Variants in FAAH2 observed in about 807,000 individuals in gnomAD.
FAAH2 encodes the protein fatty-acid amide hydrolase 2.
FAAH2 carries 60 observed loss-of-function variants against 36.9 expected under a neutral mutation model. The ratio of observed to expected loss-of-function variants is 1.63; its 90% CI spans 1.32 to 2.02. The LOEUF (loss-of-function observed/expected upper bound fraction) is 2.02, where lower values mean the gene tolerates loss of function less well. FAAH2 is among the 30% of genes most tolerant of loss of function. FAAH2 has a pLI of 0.00. For synonymous variants in FAAH2, 214 were observed against 143.8 expected, an observed-to-expected ratio of 1.49 and a Z score of -3.49; for missense variants, 689 against 397.5, an observed-to-expected ratio of 1.73 and a Z score of -6.23.
chrX:57,251,956 G>A, the FAAH2 span, among the ~76,000 whole-genome samples: 18 of 112,005 alleles, frequency 1.6e-4, no homozygotes, highest in African/African-American at 4.9e-4. Flanking sequence ...GCCAAGGGAA[G>A]CCATGAGTGA....
chrX:57,137,439 A>G, the FAAH2 span: 35 of 663,244 alleles, frequency 5.3e-5, 1 homozygote, highest in Non-Finnish European at 6.1e-5. Context: ...CTGGCCGTCT[A>G]CCTCCCTGTT....
At position 57,447,056 on chromosome X, in the gene FAAH2, C is replaced by A. The variant is rs143677321; in HGVS notation, c.1228+17C>A. Reference sequence around the variant, plus strand: ...CTTCCATTGGTATGTAAATCATATTCTACCTAGACCAGTTTGATGTCCTGT... The same window carrying A: ...CTTCCATTGGTATGTAAATCATATTATACCTAGACCAGTTTGATGTCCTGT... On this transcript the variant is annotated intron_variant, in intron 9 of 10. Coordinates refer to ENST00000374900, the MANE Select transcript of FAAH2 (RefSeq NM_174912.4). The A allele has an allele frequency of 1.3e-5, 14 of 1,077,225 alleles. 1 individual carries two copies. In the South Asian group the frequency reaches 3.1e-4, roughly 24 times the overall value. 88.8% of individuals were successfully genotyped at this position (1,077,225 alleles called of 1,213,427 possible). A position where few individuals can be genotyped will look rare whatever the true frequency, so the allele number is the denominator to read the frequency against.
chrX:57,433,830 A>T (rs2056354060), intron 8 of FAAH2, among the ~76,000 whole-genome samples: 1 of 112,010 alleles, frequency 8.9e-6, no homozygotes, highest in Admixed American at 9.5e-5. Flanking sequence ...AGTTATTATC[A>T]TAGTCATATC....
chrX:57,310,559 T>A (rs201164702), intron 2 of FAAH2, 34 bp from the exon 3 acceptor site: 2 of 1,174,389 alleles, frequency 1.7e-6, no homozygotes, highest in African/African-American at 3.6e-5. Flanking sequence ...ATGACTTGTT[T>A]AGTTAAAGTT....
At chrX:57,450,844 A>C (rs1481944771) in intron 10 of FAAH2, among the ~76,000 whole-genome samples, 1 of 111,559 alleles carries the variant, frequency 9.0e-6, no homozygotes, top group Non-Finnish European at 1.9e-5. Context: ...AGTGATAATG[A>C]TACCATTTAT....
the FAAH2 span, among the ~76,000 whole-genome samples, chrX:57,265,815 A>G: frequency 1.8e-5 from 2 of 111,895 alleles, no homozygotes; most frequent in Admixed American, 9.4e-5. Context: ...GTGGTACACC[A>G]GCACAGCACA....
chrX:57,398,691 G>A (rs970235924), intron 7 of FAAH2, among the ~76,000 whole-genome samples: 1 of 111,094 alleles, frequency 9.0e-6, no homozygotes, highest in African/African-American at 3.3e-5. Flanking sequence ...GTGCTCTCAG[G>A]TGATAGATGA....
chrX:57,266,205 C>T, the FAAH2 span, among the ~76,000 whole-genome samples: 4 of 111,753 alleles, frequency 3.6e-5, no homozygotes, highest in Non-Finnish European at 7.5e-5. Flanking sequence ...CAGGTGTGTT[C>T]GGGCTGGCAA....
In FAAH2 at chrX:57,305,109, T is replaced by C. The variant is rs577806340; in HGVS notation, c.276-5484T>C. 5.4e-4 allele frequency among the ~76,000 whole-genome samples: 60 copies of C among 110,390 alleles called. 1 individual carries two copies. In the South Asian group the frequency reaches 0.021, roughly 39 times the overall value. Reference sequence around the variant, plus strand: ...ATGTGTATAATGGTTCATGTAGTTATAAATATACTTAGCCTTGGTCTTCTA... The same window carrying C: ...ATGTGTATAATGGTTCATGTAGTTACAAATATACTTAGCCTTGGTCTTCTA... On this transcript the variant is annotated intron_variant, in intron 2 of 10. Coordinates refer to ENST00000374900, the MANE Select transcript of FAAH2 (RefSeq NM_174912.4).
At chrX:57,457,902 C>T (rs1412618283) in intron 10 of FAAH2, among the ~76,000 whole-genome samples, 3 of 111,657 alleles carry the variant, frequency 2.7e-5, no homozygotes, top group African/African-American at 9.8e-5. Context: ...AACACTACTC[C>T]TATCAAAATA....
the FAAH2 span, among the ~76,000 whole-genome samples, chrX:57,155,839 C>A: frequency 1.8e-5 from 2 of 111,909 alleles, no homozygotes; most frequent in African/African-American, 6.5e-5. Flanking sequence ...CCCAGAGAGC[C>A]CACAGGGCTT....
At chrX:57,126,041 T>C in the FAAH2 span, among the ~76,000 whole-genome samples, 18 of 112,366 alleles carry the variant, frequency 1.6e-4, no homozygotes, top group South Asian at 6.6e-3. Context: ...CTCTGAAATA[T>C]GTTTAAAAAA....
chrX:57,334,980 T>A (rs1218941847), intron 4 of FAAH2, among the ~76,000 whole-genome samples: 1 of 111,468 alleles, frequency 9.0e-6, no homozygotes, highest in African/African-American at 3.3e-5. Context: ...GACCTGAACT[T>A]AGCTCTGGAT....
At chrX:57,399,692 C>T (rs2055386974) in intron 7 of FAAH2, among the ~76,000 whole-genome samples, 3 of 112,324 alleles carry the variant, frequency 2.7e-5, no homozygotes, top group South Asian at 7.4e-4. Context: ...TAATAATCTC[C>T]TAATGGCTTC....
intron 3 of FAAH2, among the ~76,000 whole-genome samples, chrX:57,321,332 G>T (rs1318259889): frequency 9.2e-6 from 1 of 109,106 alleles, no homozygotes; most frequent in Non-Finnish European, 1.9e-5. Context: ...TGGGGGTTCG[G>T]GATCTAGGGG....
intron 10 of FAAH2, among the ~76,000 whole-genome samples, chrX:57,454,635 T>C (rs1161746591): frequency 1.8e-5 from 2 of 110,995 alleles, no homozygotes; most frequent in Non-Finnish European, 3.8e-5. Context: ...AACTGAAAAA[T>C]TTACTTCCAG....
At chrX:57,234,981 T>G in the FAAH2 span, among the ~76,000 whole-genome samples, 1 of 111,386 alleles carries the variant, frequency 9.0e-6, no homozygotes, top group African/African-American at 3.3e-5. Context: ...GAGGTTGCAG[T>G]GAGCCCAGAT....
intron 5 of FAAH2, among the ~76,000 whole-genome samples, chrX:57,348,366 T>A (rs1018591491): frequency 9.0e-6 from 1 of 111,105 alleles, no homozygotes; most frequent in Admixed American, 9.6e-5. Context: ...GAAGGACATC[T>A]TACATTGCTA....
chrX:57,148,419 G>T, the FAAH2 span, among the ~76,000 whole-genome samples: 1 of 111,378 alleles, frequency 9.0e-6, no homozygotes, highest in South Asian at 3.8e-4. Context: ...CCATTTGTTT[G>T]TATCCTCTTT....
Sources: gnomAD v4.1 joint callset for allele counts (sites outside exome capture counted in the v4.1 genomes callset) on GRCh38, gnomAD v4.1.1 for gene constraint, MANE v1.5 for transcripts, NCBI Gene and HGNC (gene_info 2026-07-23, HGNC 2026-07-21) for gene names.